KCNH5: variants seen among roughly 807,000 people sequenced by gnomAD.
KCNH5 encodes voltage-gated delayed rectifier potassium channel KCNH5.
A neutral mutation model predicts 96.1 loss-of-function variants in KCNH5; 46 were observed. That is an observed-to-expected ratio of 0.48 (90% CI 0.38 to 0.61). KCNH5 has a LOEUF of 0.61. Among genes scored for constraint, KCNH5 ranks in the 20% least tolerant of loss-of-function variants. The pLI is 0.00. For synonymous variants in KCNH5, 439 were observed against 449.8 expected (o/e 0.98, Z 0.30); for missense variants, 907 against 1,225.8 (o/e 0.74, Z 3.88).
intron 10 of KCNH5, among the ~76,000 whole-genome samples, chr14:62,776,757 G>C (rs1283868517): frequency 6.6e-6 from 1 of 152,186 alleles, no homozygotes; most frequent in Non-Finnish European, 1.5e-5. Context: ...TTTACATAGA[G>C]GGGCTTAAGG....
Position 62,707,052 on chromosome 14 carries a change from C to A in KCNH5, c.*456G>T, listed in dbSNP as rs1034243747. On this transcript the variant is annotated 3_prime_UTR_variant, in exon 11 of 11. Transcript: ENST00000322893. ...AGAAAAATATCCTATGGAAAGAGAT[C>A]ATAACATGGTACTAATAGTTTAAAA... 1 of 152,174 alleles carries A rather than the reference C, an allele frequency of 6.6e-6. No homozygotes were observed. Among genetic ancestry groups the A allele is most frequent in the African/African-American group, 2.4e-5 (1 of 41,430 alleles). The allele number at this position is 152,174 out of a possible 1,614,324, so 9.4% of individuals were successfully genotyped here. A position where few individuals can be genotyped will look rare whatever the true frequency, so the allele number is the denominator to read the frequency against.
intron 7 of KCNH5, among the ~76,000 whole-genome samples, chr14:62,897,413 G>C (rs550368904): frequency 6.6e-6 from 1 of 152,230 alleles, no homozygotes; most frequent in South Asian, 2.1e-4. Flanking sequence ...TTATTAGTGG[G>C]AAAGAAATGT....
chr14:62,843,738 T>C (rs892547906), intron 8 of KCNH5, among the ~76,000 whole-genome samples: 3 of 152,170 alleles, frequency 2.0e-5, no homozygotes, highest in African/African-American at 7.2e-5. Flanking sequence ...ACAGCACATT[T>C]GTCGGTGGAG....
rs144253856 is a variant in KCNH5, at chr14:62,954,409, T to C, written c.943-3850A>G. 4.7e-4 allele frequency among the ~76,000 whole-genome samples: 71 copies of C among 152,332 alleles called. 1 individual carries two copies. Among genetic ancestry groups the C allele is most frequent in the African/African-American group, 1.6e-3 (66 of 41,584 alleles). On this transcript the variant is annotated intron_variant, in intron 6 of 10. Transcript: ENST00000322893. ...CATGTATGACATTCCAGGAAACTCC[T>C]TAAGGAGCAGATCTACTGTCAATTA...
At chr14:63,020,328 A>G (rs574167313) in intron 1 of KCNH5, among the ~76,000 whole-genome samples, 1 of 152,256 alleles carries the variant, frequency 6.6e-6, no homozygotes, top group Non-Finnish European at 1.5e-5. Context: ...AAATGAAAAC[A>G]TATGTTTACA....
rs147838946 is a variant in KCNH5, at chr14:62,814,061, T to C, written c.1570-11480A>G. 3.6e-3 allele frequency among the ~76,000 whole-genome samples: 550 copies of C among 152,214 alleles called. 3 individuals are homozygous for C. The highest frequency in any genetic ancestry group is 0.013 in the African/African-American group (534 of 41,546). On this transcript the variant is annotated intron_variant, in intron 8 of 10. Coordinates refer to ENST00000322893, the MANE Select transcript of KCNH5 (RefSeq NM_139318.5). ...ACTTCCATTATTTAAAAATAAAAGG[T>C]CATATTTAGCAATAAAAGGCTGCCG...
chr14:62,837,819 A>C (rs910971322), intron 8 of KCNH5, among the ~76,000 whole-genome samples: 4 of 152,178 alleles, frequency 2.6e-5, no homozygotes, highest in Non-Finnish European at 5.9e-5. Flanking sequence ...GGCACTCTGA[A>C]ACCAAATAAT....
At chr14:62,973,485 C>T (rs762665557) in intron 6 of KCNH5, among the ~76,000 whole-genome samples, 2 of 152,116 alleles carry the variant, frequency 1.3e-5, no homozygotes, top group Non-Finnish European at 2.9e-5. Flanking sequence ...CTTGCAGAAG[C>T]GGTGTGCTGT....
chr14:62,939,713 G>C (rs1163290267), intron 7 of KCNH5, among the ~76,000 whole-genome samples: 1 of 152,158 alleles, frequency 6.6e-6, no homozygotes, highest in East Asian at 1.9e-4. Flanking sequence ...GCCAAGGCGG[G>C]TGGATCACCT....
intron 9 of KCNH5, among the ~76,000 whole-genome samples, chr14:62,786,147 C>G (rs368589378): frequency 5.3e-5 from 8 of 152,114 alleles, no homozygotes; most frequent in Non-Finnish European, 1.0e-4. Context: ...GCCGAGATCA[C>G]GCCACTGCTC....
chr14:62,717,854 T>G (rs1199588563), intron 10 of KCNH5, among the ~76,000 whole-genome samples: 1 of 152,166 alleles, frequency 6.6e-6, no homozygotes, highest in South Asian at 2.1e-4. Flanking sequence ...AAAAGGCAAC[T>G]CACAGAATTA....
At chr14:62,717,881 A>G (rs1283157468) in intron 10 of KCNH5, among the ~76,000 whole-genome samples, 3 of 152,234 alleles carry the variant, frequency 2.0e-5, no homozygotes, top group Non-Finnish European at 4.4e-5. Context: ...ATGTTTGCAA[A>G]TAATATATCT....
At chr14:63,042,862 T>G (rs1233420310) in intron 1 of KCNH5, among the ~76,000 whole-genome samples, 2 of 152,188 alleles carry the variant, frequency 1.3e-5, no homozygotes, top group Non-Finnish European at 2.9e-5. Context: ...CACACACACC[T>G]GCATATATAC....
At chr14:62,916,820 C>A (rs149984049) in intron 7 of KCNH5, among the ~76,000 whole-genome samples, 1 of 152,158 alleles carries the variant, frequency 6.6e-6, no homozygotes, top group Non-Finnish European at 1.5e-5. Context: ...TCATCGTTTA[C>A]GGCTCTCAGT....
intron 10 of KCNH5, among the ~76,000 whole-genome samples, chr14:62,770,207 A>C (rs1885956766): frequency 6.6e-6 from 1 of 152,214 alleles, no homozygotes; most frequent in Non-Finnish European, 1.5e-5. Context: ...TCTGCGACAC[A>C]TGTACACCAA....
intron 7 of KCNH5, among the ~76,000 whole-genome samples, chr14:62,852,629 T>C (rs1321636668): frequency 6.6e-6 from 1 of 152,072 alleles, no homozygotes; most frequent in Non-Finnish European, 1.5e-5. Context: ...TTTTTTCGTA[T>C]GCACTTGTTT....
chr14:63,015,458 ACT>A (rs561696021), intron 2 of KCNH5, among the ~76,000 whole-genome samples: 1 of 151,394 alleles, frequency 6.6e-6, no homozygotes, highest in African/African-American at 2.4e-5. Flanking sequence ...AACATGGATG[ACT>A]CTCTCTCTCT....
chr14:62,928,668 T>TTCCCAGA (rs1483820564), intron 7 of KCNH5, among the ~76,000 whole-genome samples: 1 of 152,024 alleles, frequency 6.6e-6, no homozygotes, highest in Non-Finnish European at 1.5e-5. Flanking sequence ...CAATGATCAA[T>TTCCCAGA]TCCCAGATTT....
intron 10 of KCNH5, among the ~76,000 whole-genome samples, chr14:62,735,921 C>T (rs1885146332): frequency 6.6e-6 from 1 of 152,184 alleles, no homozygotes; most frequent in Non-Finnish European, 1.5e-5. Flanking sequence ...GGAGTGATCC[C>T]TCTACCAGCC....
Sources: allele counts gnomAD v4.1 joint callset (sites outside exome capture counted in the v4.1 genomes callset), GRCh38; gene constraint gnomAD v4.1.1; transcripts MANE v1.5; gene names NCBI Gene and HGNC (gene_info 2026-07-23, HGNC 2026-07-21).